The following RALYL variants were observed in gnomAD, a reference collection of about 807,000 sequenced individuals.
The protein encoded by RALYL is RNA-binding Raly-like protein.
RALYL carries 29 observed loss-of-function variants against 35.1 expected under a neutral mutation model. The observed-to-expected ratio is 0.83, with a 90% CI of 0.61 to 1.13. The LOEUF (loss-of-function observed/expected upper bound fraction) is 1.13, where lower values mean the gene tolerates loss of function less well. Among genes scored for constraint, RALYL ranks in the 50% most tolerant of loss-of-function variants. The probability of loss-of-function intolerance (pLI) is 0.00; values close to 1 mark genes in which losing one functional copy is unlikely to be tolerated. For synonymous variants in RALYL, 120 were observed against 127.6 expected, an observed-to-expected ratio of 0.94 and a Z score of 0.40; for missense variants, 359 against 360.4, an observed-to-expected ratio of 1.00 and a Z score of 0.03.
At chr8:84,773,898 A>T (rs1276240454) in intron 2 of RALYL, among the ~76,000 whole-genome samples, 1 of 152,236 alleles carries the variant, frequency 6.6e-6, no homozygotes, top group African/African-American at 2.4e-5. Flanking sequence ...GAAAATCAGA[A>T]GAACATTTCA....
chr8:84,854,430 A>T (rs187062955), intron 5 of RALYL, among the ~76,000 whole-genome samples: 53 of 152,352 alleles, frequency 3.5e-4, no homozygotes, highest in Admixed American at 1.1e-3. Context: ...AGCAGTGTCC[A>T]TATAACTGAG....
chr8:84,350,015 A>AT (rs1850597190), intron 1 of RALYL, among the ~76,000 whole-genome samples: 1 of 150,444 alleles, frequency 6.6e-6, no homozygotes. Flanking sequence ...GTGTCTCTTG[A>AT]TTTTTGCATT....
intron 2 of RALYL, among the ~76,000 whole-genome samples, chr8:84,756,216 G>A (rs1158536925): frequency 2.0e-5 from 3 of 152,056 alleles, no homozygotes; most frequent in African/African-American, 7.2e-5. Context: ...AAATGTTTCA[G>A]ACAATTTTCC....
chr8:84,260,688 T>C (rs1355199293), intron 1 of RALYL, among the ~76,000 whole-genome samples: 1 of 152,178 alleles, frequency 6.6e-6, no homozygotes, highest in Non-Finnish European at 1.5e-5. Context: ...TTGGTGACCA[T>C]AGTTGCATGT....
At chr8:84,678,223 C>T (rs557846432) in intron 2 of RALYL, among the ~76,000 whole-genome samples, 1 of 151,928 alleles carries the variant, frequency 6.6e-6, no homozygotes, top group East Asian at 1.9e-4. Flanking sequence ...ATAAAAATGA[C>T]CTCCTTTGCC....
intron 2 of RALYL, among the ~76,000 whole-genome samples, chr8:84,597,103 G>A (rs978987728): frequency 2.6e-4 from 39 of 152,280 alleles, no homozygotes; most frequent in African/African-American, 9.1e-4. Flanking sequence ...CAAGTCATCT[G>A]ACTAAGACAG....
chr8:84,828,363 A>C (rs753012069), intron 4 of RALYL, among the ~76,000 whole-genome samples: 1 of 152,144 alleles, frequency 6.6e-6, no homozygotes, highest in Non-Finnish European at 1.5e-5. Flanking sequence ...TCATCCCCTT[A>C]ATAATATTCT....
chr8:84,907,310 TCACACACACACAC>T lies in RALYL; in HGVS notation c.859-13583_859-13571del, dbSNP rs1188538696. ...AAATCTGAGAAAATAAGATATAGCG[TCACACACACACAC>T]ACACACACACACACACACACACACA... On this transcript the variant is annotated intron_variant, in intron 8 of 8. Coordinates refer to ENST00000521268, the MANE Select transcript of RALYL (RefSeq NM_173848.7). Among the ~76,000 whole-genome samples the T allele has an allele frequency of 3.3e-3, 490 of 148,144 alleles. 5 individuals carry two copies. Among genetic ancestry groups the T allele is most frequent in the Middle Eastern group, 0.027 (8 of 294 alleles).
At chr8:84,812,572 C>G (rs1057501888) in intron 4 of RALYL, among the ~76,000 whole-genome samples, 1 of 152,080 alleles carries the variant, frequency 6.6e-6, no homozygotes, top group African/African-American at 2.4e-5. Context: ...TAGGCATGTC[C>G]GAGCTCAGGC....
chr8:84,554,550 CAA>C (rs1009425925), intron 2 of RALYL, among the ~76,000 whole-genome samples: 1 of 152,104 alleles, frequency 6.6e-6, no homozygotes, highest in African/African-American at 2.4e-5. Flanking sequence ...CACCAAATGT[CAA>C]AGAGATGGAG....
At chr8:84,864,781 C>T (rs1838842874) in intron 6 of RALYL, 6 of 611,150 alleles carry the variant, frequency 9.8e-6, no homozygotes, top group South Asian at 7.4e-5. Context: ...CCTGGGCCTG[C>T]TCCAAGCCAG....
intron 1 of RALYL, among the ~76,000 whole-genome samples, chr8:84,247,678 T>G (rs1432140697): frequency 6.6e-6 from 1 of 152,150 alleles, no homozygotes; most frequent in Non-Finnish European, 1.5e-5. Context: ...TAAAAAGAAT[T>G]TCTTGTATTA....
chr8:84,398,697 A>G (rs954254015), intron 1 of RALYL, among the ~76,000 whole-genome samples: 2 of 152,168 alleles, frequency 1.3e-5, no homozygotes, highest in Non-Finnish European at 2.9e-5. Flanking sequence ...AATCCAGGCC[A>G]GTGCAGTGGC....
chr8:84,767,416 C>T (rs188094082), intron 2 of RALYL, among the ~76,000 whole-genome samples: 2 of 152,262 alleles, frequency 1.3e-5, no homozygotes, highest in Admixed American at 6.5e-5. Context: ...AGTAGCCCAA[C>T]AGGATATTTT....
At chr8:84,364,951 ATTTT>A (rs201505924) in intron 1 of RALYL, among the ~76,000 whole-genome samples, 3 of 151,582 alleles carry the variant, frequency 2.0e-5, no homozygotes, top group Non-Finnish European at 4.4e-5. Context: ...ATAGTTTTGA[ATTTT>A]TTTTTACTTG....
intron 4 of RALYL, among the ~76,000 whole-genome samples, chr8:84,811,016 C>A (rs1408291181): frequency 2.0e-5 from 3 of 152,020 alleles, no homozygotes; most frequent in Non-Finnish European, 4.4e-5. Flanking sequence ...ATGTGAGGTA[C>A]CGTTGCATTC....
intron 2 of RALYL, among the ~76,000 whole-genome samples, chr8:84,710,490 T>C (rs1019425665): frequency 1.3e-5 from 2 of 151,758 alleles, no homozygotes; most frequent in African/African-American, 4.9e-5. Flanking sequence ...TTAGTAGAGA[T>C]AGGGTTTCAC....
In RALYL at chr8:84,426,878, G is replaced by A. The variant is rs149274278; in HGVS notation, c.-23-102421G>A. 3.1e-3 allele frequency among the ~76,000 whole-genome samples: 472 copies of A among 152,232 alleles called. 3 individuals carry two copies. The highest frequency in any genetic ancestry group is 4.8e-3 in the Non-Finnish European group (324 of 68,018). ...GGTGGCAATGAAGATTGGTACAGCCGTTATGGAGAACAGTATGGAGGTTTC... is the reference window on the plus strand; with the variant it reads ...GGTGGCAATGAAGATTGGTACAGCCATTATGGAGAACAGTATGGAGGTTTC... On this transcript the variant is annotated intron_variant, in intron 1 of 8. Transcript: ENST00000521268.
At chr8:84,607,535 C>T (rs1407876615) in intron 2 of RALYL, among the ~76,000 whole-genome samples, 1 of 152,094 alleles carries the variant, frequency 6.6e-6, no homozygotes, top group African/African-American at 2.4e-5. Context: ...TCCAATGTGT[C>T]CCAACATTGC....
Sources: allele counts gnomAD v4.1 joint callset (sites outside exome capture counted in the v4.1 genomes callset), GRCh38; gene constraint gnomAD v4.1.1; transcripts MANE v1.5; gene names NCBI Gene and HGNC (gene_info 2026-07-23, HGNC 2026-07-21).